Variants in DOCK8 observed in about 807,000 individuals in gnomAD.
DOCK8 encodes the protein dedicator of cytokinesis protein 8.
DOCK8 carries 141 observed loss-of-function variants against 245.6 expected under a neutral mutation model. That is an observed-to-expected ratio of 0.57 (90% CI 0.50 to 0.66). The LOEUF is 0.66. DOCK8 is among the 30% of genes least tolerant of loss of function. The probability of loss-of-function intolerance (pLI) is 0.00; values close to 1 mark genes in which losing one functional copy is unlikely to be tolerated. For synonymous variants in DOCK8, 1,168 were observed against 970.2 expected (o/e 1.20, Z -3.79); for missense variants, 2,965 against 2,603.4 (o/e 1.14, Z -3.02).
rs372503899 is a variant in DOCK8, at chr9:379,794, G to T, written c.2464G>T (p.Glu822Ter). ...AGCCAACTTCTCCCAGTTTGCCTTC[G>T]AGTCCGTGGTGGCCATCGCCAACAG... ...QTANFSQFAFESVVAIANSLH... is the reference protein window; with the variant it reads ...QTANFSQFAF The change falls in exon 21 of 48, where the codon GAG becomes TAG. Residue 822 changes from glutamate (E) to a stop codon, truncating the protein, a stop_gained. Transcript: ENST00000432829. LOFTEE classifies it high-confidence loss of function. The T allele has an allele frequency of 6.2e-7, 1 of 1,614,146 alleles. No individual in the cohort carries two copies. The highest frequency in any genetic ancestry group is 1.7e-5 in the Admixed American group (1 of 60,022).
chr9:381,835 C>G (rs1351780883), intron 21 of DOCK8, among the ~76,000 whole-genome samples: 2 of 151,986 alleles, frequency 1.3e-5, no homozygotes, highest in Admixed American at 1.3e-4. Flanking sequence ...TGGCGGGTGC[C>G]TGTAGTCCCA....
At chr9:397,919 A>G (rs1263120209) in intron 25 of DOCK8, among the ~76,000 whole-genome samples, 1 of 152,238 alleles carries the variant, frequency 6.6e-6, no homozygotes, top group Non-Finnish European at 1.5e-5. Context: ...CTTTTCTGTA[A>G]GTTTAAAATT....
chr9:333,600 C>CAAAA, intron 10 of DOCK8, among the ~76,000 whole-genome samples: 1 of 121,138 alleles, frequency 8.3e-6, no homozygotes, highest in Non-Finnish European at 1.8e-5. Flanking sequence ...GACTCTGTCT[C>CAAAA]AAAAAAAAAA....
intron 13 of DOCK8, among the ~76,000 whole-genome samples, chr9:339,822 A>G (rs58225881): frequency 0.044 from 6,722 of 152,192 alleles, 501 homozygotes; most frequent in African/African-American, 0.15. Flanking sequence ...CTGGAAGCCA[A>G]TTTTAAAACT....
At chr9:237,307 G>A (rs373035679) in intron 1 of DOCK8, among the ~76,000 whole-genome samples, 26 of 152,334 alleles carry the variant, frequency 1.7e-4, no homozygotes, top group Non-Finnish European at 3.1e-4. Context: ...AGGTGCCATT[G>A]TCCTATCAGC....
At chr9:414,151 A>G (rs771612971) in intron 28 of DOCK8, among the ~76,000 whole-genome samples, 37 of 152,148 alleles carry the variant, frequency 2.4e-4, no homozygotes, top group Non-Finnish European at 3.7e-4. Context: ...AAAAAGTTAA[A>G]CAGACAGTTA....
At chr9:239,080 C>T (rs1470452795) in intron 1 of DOCK8, among the ~76,000 whole-genome samples, 1 of 152,170 alleles carries the variant, frequency 6.6e-6, no homozygotes, top group Non-Finnish European at 1.5e-5. Context: ...ACGGTGGCTC[C>T]AGCCAGGAAT....
intron 1 of DOCK8, among the ~76,000 whole-genome samples, chr9:249,192 G>T (rs1377464672): frequency 2.0e-5 from 3 of 152,170 alleles, no homozygotes; most frequent in African/African-American, 4.8e-5. Flanking sequence ...GTCTAGAGAT[G>T]GTCCTATGGC....
At chr9:385,775 G>C (rs1003918599) in intron 22 of DOCK8, among the ~76,000 whole-genome samples, 10 of 152,200 alleles carry the variant, frequency 6.6e-5, no homozygotes, top group African/African-American at 2.4e-4. Context: ...CAGGAAAGAA[G>C]TGGTCTGCAG....
At chr9:416,270 C>G (rs895944215) in intron 29 of DOCK8, among the ~76,000 whole-genome samples, 7 of 152,122 alleles carry the variant, frequency 4.6e-5, no homozygotes, top group African/African-American at 1.4e-4. Context: ...TTAACATTTA[C>G]AGACATAATG....
intron 14 of DOCK8, among the ~76,000 whole-genome samples, chr9:355,591 G>A (rs1351098449): frequency 6.6e-6 from 1 of 152,286 alleles, no homozygotes; most frequent in East Asian, 1.9e-4. Context: ...ACTCAAAGGT[G>A]TGGAGTCCCT....
At chr9:399,453 C>G (rs1462768867) in intron 26 of DOCK8, among the ~76,000 whole-genome samples, 194 bp downstream of exon 26, 1 of 152,074 alleles carries the variant, frequency 6.6e-6, no homozygotes, top group Non-Finnish European at 1.5e-5. Context: ...ACCTTGATTC[C>G]TGGAGCATTT....
At chr9:280,834 A>G (rs1041752424) in intron 2 of DOCK8, 3 of 152,274 alleles carry the variant, frequency 2.0e-5, no homozygotes, top group African/African-American at 7.2e-5. Flanking sequence ...GTCTGAAAAC[A>G]TACTGGAAAG....
upstream of DOCK8, chr9:214,738 C>G: frequency 6.6e-7 from 1 of 1,520,282 alleles, no homozygotes; most frequent in East Asian, 2.7e-5. Context: ...CCCACGCCCT[C>G]CTCGCCCGCC....
intron 1 of DOCK8, among the ~76,000 whole-genome samples, chr9:242,719 G>C (rs867597621): frequency 6.6e-6 from 1 of 151,908 alleles, no homozygotes; most frequent in Non-Finnish European, 1.5e-5. Context: ...CTTGCTTCTT[G>C]CCTTTGCCAA....
chr9:390,712 C>T, intron 24 of DOCK8, 146 bp downstream of exon 24: 2 of 751,726 alleles, frequency 2.7e-6, no homozygotes, highest in Non-Finnish European at 4.7e-6. Context: ...CCCCTCCCAT[C>T]CTTCTTCCAC....
chr9:335,540 C>T (rs977183323), intron 11 of DOCK8, among the ~76,000 whole-genome samples: 5 of 152,092 alleles, frequency 3.3e-5, no homozygotes, highest in African/African-American at 1.2e-4. Flanking sequence ...ATTTCTGGTT[C>T]GTCAATAACA....
chr9:341,304 A>C (rs1052977747), intron 14 of DOCK8, among the ~76,000 whole-genome samples: 14 of 152,356 alleles, frequency 9.2e-5, no homozygotes, highest in African/African-American at 2.9e-4. Flanking sequence ...TTATGGTGGC[A>C]CCTGACCTAT....
intron 5 of DOCK8, among the ~76,000 whole-genome samples, chr9:308,272 A>G (rs1563904677): frequency 6.6e-6 from 1 of 152,264 alleles, no homozygotes; most frequent in Non-Finnish European, 1.5e-5. Flanking sequence ...TGATTTGATC[A>G]TTACACATTG....
Sources: allele counts gnomAD v4.1 joint callset (sites outside exome capture counted in the v4.1 genomes callset), GRCh38; gene constraint gnomAD v4.1.1; transcripts MANE v1.5; gene names NCBI Gene and HGNC (gene_info 2026-07-23, HGNC 2026-07-21).